The following DIPK1A variants were observed in gnomAD, a reference collection of about 807,000 sequenced individuals.
DIPK1A encodes family with sequence similarity 69 member A.
Under a neutral mutation model 40.8 loss-of-function variants are expected in DIPK1A, and 27 were observed. The observed-to-expected ratio is 0.66, with a 90% confidence interval of 0.49 to 0.91. DIPK1A has a LOEUF of 0.91. Among genes scored for constraint, DIPK1A ranks in the 40% least tolerant of loss-of-function variants. DIPK1A has a pLI of 0.00. For synonymous variants in DIPK1A, 166 were observed against 171.3 expected (o/e 0.97, Z 0.24); for missense variants, 412 against 505.7 (o/e 0.81, Z 1.78).
At chr1:92,872,069 C>CTTT (rs148010880) in intron 2 of DIPK1A, among the ~76,000 whole-genome samples, 904 of 67,958 alleles carry the variant, frequency 0.013, 146 homozygotes, top group Non-Finnish European at 0.017. Context: ...TTCTTTAAAT[C>CTTT]TTTTTTTTTT....
chr1:92,846,299 C>G (rs2100714047), intron 4 of DIPK1A: 1 of 154,336 alleles, frequency 6.5e-6, no homozygotes, highest in Middle Eastern at 2.2e-3. Context: ...TGAACATTCA[C>G]AATCCTTTTA....
chr1:92,894,788 T>A (rs1649083498), intron 1 of DIPK1A, among the ~76,000 whole-genome samples: 1 of 151,528 alleles, frequency 6.6e-6, no homozygotes, highest in South Asian at 2.1e-4. Flanking sequence ...GAGAGAAGAA[T>A]CAAATAGAGG....
intron 2 of DIPK1A, among the ~76,000 whole-genome samples, chr1:92,857,928 T>C (rs1303007478): frequency 6.6e-6 from 1 of 152,194 alleles, no homozygotes; most frequent in Admixed American, 6.5e-5. Flanking sequence ...CTGTGTCAGA[T>C]ACCCCTCCCG....
chr1:92,885,105 G>A (rs909342191), intron 1 of DIPK1A, among the ~76,000 whole-genome samples: 1 of 152,104 alleles, frequency 6.6e-6, no homozygotes, highest in African/African-American at 2.4e-5. Flanking sequence ...AAAAGCAGAG[G>A]TATATGTCCA....
chr1:92,849,436 C>G (rs1213573816), intron 3 of DIPK1A, among the ~76,000 whole-genome samples: 1 of 151,860 alleles, frequency 6.6e-6, no homozygotes, highest in South Asian at 2.1e-4. Flanking sequence ...CAGCCCTGAC[C>G]TCCTGGGCTC....
intron 1 of DIPK1A, among the ~76,000 whole-genome samples, chr1:92,950,118 G>T (rs1312221205): frequency 4.6e-5 from 7 of 152,056 alleles, no homozygotes; most frequent in Non-Finnish European, 1.5e-5. Context: ...TATTAAGGAG[G>T]GACTGCTGAA....
chr1:92,875,759 G>T (rs1200636341), intron 2 of DIPK1A, among the ~76,000 whole-genome samples: 1 of 150,406 alleles, frequency 6.6e-6, no homozygotes, highest in African/African-American at 2.4e-5. Context: ...AAAAAAAGGA[G>T]TTAAATTTAC....
chr1:92,943,604 A>C (rs1651251899), intron 1 of DIPK1A, among the ~76,000 whole-genome samples: 1 of 152,278 alleles, frequency 6.6e-6, no homozygotes, highest in South Asian at 2.1e-4. Flanking sequence ...AAACTGCAGA[A>C]AGCCAAGGCT....
intron 1 of DIPK1A, among the ~76,000 whole-genome samples, chr1:92,952,659 C>T (rs1651678391): frequency 6.6e-6 from 1 of 151,944 alleles, no homozygotes. Context: ...TTCTGAAAAC[C>T]AGAACACTAT....
chr1:92,919,175 T>C (rs1299156239), intron 1 of DIPK1A, among the ~76,000 whole-genome samples: 1 of 152,250 alleles, frequency 6.6e-6, no homozygotes. Flanking sequence ...TATAGCTAGA[T>C]GACCACAGAA....
Position 92,833,757 on chromosome 1 carries a change from C to T in DIPK1A, c.475-723G>A. 5 of 939,476 alleles carry T rather than the reference C, an allele frequency of 5.3e-6. No homozygotes were observed. In the South Asian group the frequency reaches 5.4e-5, roughly 10 times the overall value. 58.2% of individuals were successfully genotyped at this position (939,476 alleles called of 1,614,324 possible). A position where few individuals can be genotyped will look rare whatever the true frequency, so the allele number is the denominator to read the frequency against. ...TGTGTGTGTTAGAAGGGCTGTCTAG[C>T]ACCTCCAAAAGCATCCAGTGAATAA... On this transcript the variant is annotated intron_variant, in intron 4 of 4. Coordinates refer to the DIPK1A transcript ENST00000615519.
chr1:92,876,700 T>A (rs1005047907), intron 1 of DIPK1A, among the ~76,000 whole-genome samples: 1 of 152,120 alleles, frequency 6.6e-6, no homozygotes, highest in African/African-American at 2.4e-5. Context: ...AAGCTACTTT[T>A]TAGGCACAAG....
intron 1 of DIPK1A, among the ~76,000 whole-genome samples, chr1:92,957,303 T>C (rs1166464627): frequency 1.3e-5 from 2 of 152,150 alleles, no homozygotes; most frequent in Admixed American, 1.3e-4. Context: ...TGGAAGAAAA[T>C]ACTGCCTAAA....
intron 1 of DIPK1A, among the ~76,000 whole-genome samples, chr1:92,892,000 C>T (rs4584403): frequency 8.6e-5 from 13 of 151,936 alleles, no homozygotes; most frequent in African/African-American, 3.1e-4. Flanking sequence ...AGGTAAACAA[C>T]GCGGCCAGGA....
chr1:92,890,163 T>G (rs1648796874), intron 1 of DIPK1A, among the ~76,000 whole-genome samples: 1 of 152,224 alleles, frequency 6.6e-6, no homozygotes, highest in Non-Finnish European at 1.5e-5. Context: ...GTATATTGAT[T>G]TTGTATTCTG....
downstream of DIPK1A, chr1:92,841,763 T>C: frequency 6.2e-7 from 1 of 1,604,744 alleles, no homozygotes; most frequent in Non-Finnish European, 8.5e-7. Flanking sequence ...CTATCTTTTG[T>C]AGGTGGAACC....
At chr1:92,897,872 G>T (rs1649242705) in intron 1 of DIPK1A, among the ~76,000 whole-genome samples, 1 of 152,096 alleles carries the variant, frequency 6.6e-6, no homozygotes, top group Non-Finnish European at 1.5e-5. Flanking sequence ...GCCAAAGCAG[G>T]TGGATCGCTT....
rs1553125608 is a variant in DIPK1A at position 92,860,646 on chromosome 1, A to ATAGCCAGGTG, written c.190-9692_190-9691insCACCTGGCTA. ...TTCTACTAAAAAAAAAAAAAAAAAA[A>ATAGCCAGGTG]TGGTGGTGTGCACCTTAGTCCCAGC... is the stretch of plus-strand genomic sequence containing the variant. On this transcript the variant is annotated intron_variant, in intron 2 of 4. Transcript: ENST00000370310. 3.9e-3 allele frequency among the ~76,000 whole-genome samples: 406 copies of ATAGCCAGGTG among 105,216 alleles called. 33 individuals carry two copies. Among genetic ancestry groups the ATAGCCAGGTG allele is most frequent in the African/African-American group, 0.014 (380 of 26,772 alleles). 69.0% of individuals were successfully genotyped at this position (105,216 alleles called of 152,430 possible). A position where few individuals can be genotyped will look rare whatever the true frequency, so the allele number is the denominator to read the frequency against.
At chr1:92,846,821 A>ACACG (rs1228055019) in intron 4 of DIPK1A, among the ~76,000 whole-genome samples, 1 of 4,046 alleles carries the variant, frequency 2.5e-4, no homozygotes, top group African/African-American at 1.6e-3. Flanking sequence ...ATATATATAT[A>ACACG]TATATATATA....
Sources: gnomAD v4.1 joint callset for allele counts (sites outside exome capture counted in the v4.1 genomes callset) on GRCh38, gnomAD v4.1.1 for gene constraint, MANE v1.5 for transcripts, NCBI Gene and HGNC (gene_info 2026-07-23, HGNC 2026-07-21) for gene names.